The following SGK1 variants were observed in gnomAD, a reference collection of about 807,000 sequenced individuals.
SGK1 encodes the protein serine/threonine-protein kinase Sgk1.
In SGK1, 26 loss-of-function variants were observed where a neutral mutation model predicts 64.2. The observed-to-expected ratio is 0.40, with a 90% CI of 0.30 to 0.56. SGK1 has a LOEUF of 0.56. Ranked by LOEUF, SGK1 falls within the 20% of genes least tolerant of loss-of-function variation. SGK1 has a pLI of 0.38. For synonymous variants in SGK1, 265 were observed against 239.7 expected (o/e 1.11, Z -0.98); for missense variants, 519 against 645.6 (o/e 0.80, Z 2.12).
intron 1 of SGK1, among the ~76,000 whole-genome samples, chr6:134,284,658 T>C (rs1777154437): frequency 6.6e-6 from 1 of 152,116 alleles, no homozygotes; most frequent in South Asian, 2.1e-4. Context: ...TTAATTTTTG[T>C]ATTTTTAGTT....
chr6:134,304,559 A>T (rs1378219636), intron 1 of SGK1, among the ~76,000 whole-genome samples: 1 of 152,102 alleles, frequency 6.6e-6, no homozygotes, highest in Non-Finnish European at 1.5e-5. Flanking sequence ...TGGGAGGCGG[A>T]GGTTGCAGTG....
intron 2 of SGK1, among the ~76,000 whole-genome samples, chr6:134,212,107 GC>G (rs1175357198): frequency 5.3e-5 from 8 of 151,542 alleles, no homozygotes; most frequent in African/African-American, 1.9e-4. Flanking sequence ...AGGCTGGAGT[GC>G]AGTGGTGCGA....
intron 2 of SGK1, among the ~76,000 whole-genome samples, chr6:134,235,797 A>C: frequency 1.3e-5 from 2 of 151,252 alleles, no homozygotes; most frequent in Non-Finnish European, 1.5e-5. Context: ...CTGGTCTCAA[A>C]CTCCTGACCT....
rs141765722 is a variant in SGK1, at chr6:134,314,637, A to G, written c.69+2755T>C. Among the ~76,000 whole-genome samples, 911 of 152,306 alleles carry G rather than the reference A, an allele frequency of 6.0e-3. 6 individuals are homozygous for G. Among genetic ancestry groups the G allele is most frequent in the Middle Eastern group, 0.01 (3 of 294 alleles). ...ACCCAGAACATAGTCAGCTCTAATA[A>G]ATAGTGACTGACAGACAGCTACAAG... On this transcript the variant is annotated intron_variant, in intron 1 of 13. Transcript: ENST00000367858.
At chr6:134,184,623 G>A (rs1245406426) in intron 3 of SGK1, among the ~76,000 whole-genome samples, 1 of 151,474 alleles carries the variant, frequency 6.6e-6, no homozygotes, top group South Asian at 2.1e-4. Flanking sequence ...TTTATTATGT[G>A]ACTTTTTCTG....
intron 3 of SGK1, chr6:134,177,748 A>C: frequency 6.2e-7 from 1 of 1,613,918 alleles, no homozygotes; most frequent in Non-Finnish European, 8.5e-7. Context: ...TGGAGGCTGG[A>C]GGTAGAGCCC....
chr6:134,298,451 G>C, intron 1 of SGK1: 1 of 858,124 alleles, frequency 1.2e-6, no homozygotes, highest in Non-Finnish European at 2.0e-6. Flanking sequence ...CCTGGATGTT[G>C]GGATCCACCT....
chr6:134,185,950 T>C (rs1327298915), intron 3 of SGK1, among the ~76,000 whole-genome samples: 1 of 152,094 alleles, frequency 6.6e-6, no homozygotes, highest in Non-Finnish European at 1.5e-5. Context: ...GATTGGACAC[T>C]ACCCCCCACA....
At chr6:134,289,450 A>G (rs994806075) in intron 1 of SGK1, among the ~76,000 whole-genome samples, 1 of 152,244 alleles carries the variant, frequency 6.6e-6, no homozygotes, top group Non-Finnish European at 1.5e-5. Flanking sequence ...AACCACAGAC[A>G]CAATGTAAAT....
intron 2 of SGK1, among the ~76,000 whole-genome samples, chr6:134,238,814 C>T (rs1014494551): frequency 2.6e-5 from 4 of 152,080 alleles, no homozygotes; most frequent in African/African-American, 7.2e-5. Context: ...AGAGTATAAT[C>T]GGATTCAGAA....
intron 3 of SGK1, among the ~76,000 whole-genome samples, chr6:134,198,724 C>CTTTT (rs1459010325): frequency 4.5e-5 from 3 of 65,948 alleles, no homozygotes; most frequent in South Asian, 4.9e-4. Context: ...TTCTCTTTTT[C>CTTTT]TATTTTTTTT....
At chr6:134,191,835 A>ATTTTGTTTTTT (rs1775516717) in intron 3 of SGK1, among the ~76,000 whole-genome samples, 2 of 61,204 alleles carry the variant, frequency 3.3e-5, no homozygotes, top group Non-Finnish European at 2.9e-5. Flanking sequence ...CGCCCGGCTG[A>ATTTTGTTTTTT]TTTTTTTTTT....
chr6:134,172,638 AGCCT>A lies in SGK1; in HGVS notation c.947+20_947+23del. ...ACGTCTCCTTTATACCAAAACTGGT[AGCCT>A]GAAGAGCTCTCAGGCTTACCTATAA... On this transcript the variant is annotated intron_variant, in intron 9 of 13. Transcript: ENST00000367858. 3 of 1,443,852 alleles carry A rather than the reference AGCCT, an allele frequency of 2.1e-6. No individual in the cohort carries two copies. The highest frequency in any genetic ancestry group is 2.9e-6 in the Non-Finnish European group (3 of 1,024,808). The allele number at this position is 1,443,852 out of a possible 1,614,324, so 89.4% of individuals were successfully genotyped here.
chr6:134,220,839 A>G (rs972674685), intron 2 of SGK1, among the ~76,000 whole-genome samples: 7 of 151,802 alleles, frequency 4.6e-5, no homozygotes, highest in African/African-American at 1.7e-4. Context: ...AAAATTAGTC[A>G]GGCATGGTGG....
intron 1 of SGK1, chr6:134,297,464 C>T (rs1300484012): frequency 7.8e-6 from 5 of 644,820 alleles, no homozygotes; most frequent in African/African-American, 1.8e-5. Context: ...GACCCTCAGT[C>T]TCAGCCTGGA....
intron 1 of SGK1, chr6:134,297,965 G>T: frequency 1.2e-6 from 1 of 810,552 alleles, no homozygotes; most frequent in Middle Eastern, 2.7e-4. Flanking sequence ...CCATGTCCGG[G>T]GAGCGGCTGT....
chr6:134,214,088 A>T (rs1374934822), intron 2 of SGK1, among the ~76,000 whole-genome samples: 61 of 149,800 alleles, frequency 4.1e-4, no homozygotes, highest in South Asian at 3.4e-3. Context: ...TTATTAAAAA[A>T]AATTTTTTTT....
chr6:134,177,541 A>G, intron 3 of SGK1: 1 of 775,926 alleles, frequency 1.3e-6, no homozygotes, highest in Non-Finnish European at 2.1e-6. Flanking sequence ...GTTTTCAAAC[A>G]TTAAATTAAG....
intron 3 of SGK1, chr6:134,177,670 A>G: frequency 6.2e-7 from 1 of 1,613,802 alleles, no homozygotes; most frequent in Non-Finnish European, 8.5e-7. Context: ...AACCTTTCAA[A>G]GGGGGTTTTA....
Sources: gnomAD v4.1 joint callset for allele counts (sites outside exome capture counted in the v4.1 genomes callset) on GRCh38, gnomAD v4.1.1 for gene constraint, MANE v1.5 for transcripts, NCBI Gene and HGNC (gene_info 2026-07-23, HGNC 2026-07-21) for gene names.